Variants in SHISAL2A observed in about 807,000 individuals in gnomAD.
SHISAL2A encodes protein shisa-like-2A.
SHISAL2A carries 18 observed loss-of-function variants against 11.5 expected under a neutral mutation model. The observed-to-expected ratio is 1.57, with a 90% CI of 1.08 to 2.33. The LOEUF is 2.33. Among genes scored for constraint, SHISAL2A ranks in the 30% most tolerant of loss-of-function variants. The pLI is 0.00. For synonymous variants in SHISAL2A, 94 were observed against 99.6 expected (o/e 0.94, Z 0.34); for missense variants, 261 against 250.9 (o/e 1.04, Z -0.27).
rs369065271 is a variant in SHISAL2A at position 52,656,845 on chromosome 1, A to G, written c.378A>G (p.Glu126=). The G allele has an allele frequency of 2.5e-5, 41 of 1,613,992 alleles. No homozygotes were observed. The highest frequency in any genetic ancestry group is 3.3e-5 in the Non-Finnish European group (39 of 1,180,018). ...CQGVNTGMAA[E]VPKVSPLQQS... ...GTGTGAACACAGGCATGGCGGCAGAAGTGCCAAAAGTGAGCCCTCTCCAGC... is the reference window on the plus strand; with the variant it reads ...GTGTGAACACAGGCATGGCGGCAGAGGTGCCAAAAGTGAGCCCTCTCCAGC... Residue 126 remains glutamate (E), a synonymous_variant, in exon 3 of 3, where the codon GAA becomes GAG. Coordinates refer to ENST00000517870, the MANE Select transcript of SHISAL2A (RefSeq NM_001042693.3).
At chr1:52,646,257 G>A (rs1691498193) in intron 2 of SHISAL2A, among the ~76,000 whole-genome samples, 1 of 152,174 alleles carries the variant, frequency 6.6e-6, no homozygotes, top group Non-Finnish European at 1.5e-5. Flanking sequence ...AATAGTACCA[G>A]TTGAGAAACC....
chr1:52,651,296 G>A (rs1691640646), intron 2 of SHISAL2A, among the ~76,000 whole-genome samples: 1 of 152,102 alleles, frequency 6.6e-6, no homozygotes, highest in Non-Finnish European at 1.5e-5. Context: ...AGAGTGCAGT[G>A]GTGTGATCTC....
rs938256485 is a variant in SHISAL2A at position 52,633,933 on chromosome 1, C to A, written c.182+258C>A. ...CAAAACAATCCTCACTCTATCCCCACCCCAAACTTCATTCCATCACCACCC... is the reference window on the plus strand; with the variant it reads ...CAAAACAATCCTCACTCTATCCCCAACCCAAACTTCATTCCATCACCACCC... On this transcript the variant is annotated intron_variant, in intron 1 of 2. Transcript: ENST00000517870. This position sits in a 1 kb window ranked among gnomAD's most constrained non-coding sequence, Gnocchi z 6.4. 3.9e-5 allele frequency among the ~76,000 whole-genome samples: 6 copies of A among 152,022 alleles called. No individual in the cohort carries two copies. Among genetic ancestry groups the A allele is most frequent in the African/African-American group, 1.5e-4 (6 of 41,354 alleles).
intron 2 of SHISAL2A, among the ~76,000 whole-genome samples, chr1:52,656,115 TA>T (rs1054211240): frequency 2.1e-4 from 32 of 152,048 alleles, no homozygotes; most frequent in African/African-American, 7.7e-4. Context: ...TGCTCCTGAT[TA>T]AAAAAAGAAA....
Position 52,656,938 on chromosome 1 carries a change from C to G in SHISAL2A, c.471C>G (p.Leu157=), listed in dbSNP as rs1302753791. 1 of 1,614,188 alleles carries G rather than the reference C, an allele frequency of 6.2e-7. No homozygotes were observed. Among genetic ancestry groups the G allele is most frequent in the Admixed American group, 1.7e-5 (1 of 60,022 alleles). The change falls in exon 3 of 3, where the codon CTC becomes CTG. Residue 157 remains leucine, a synonymous_variant. Transcript: ENST00000517870. ...GGCAGGCTGTGAACTCCAAACGCCT[C>G]CTCCATCATTGCTTCATGGCCACAG... ...NEGQAVNSKR[L]LHHCFMATVT...
chr1:52,664,639 G>A (rs1317050256), intron 4 of SHISAL2A, among the ~76,000 whole-genome samples: 2 of 152,132 alleles, frequency 1.3e-5, no homozygotes, highest in South Asian at 2.1e-4. Context: ...GATTGCAGGC[G>A]TGAGCCACCG....
chr1:52,657,101 T>C, downstream of SHISAL2A: 1 of 1,520,916 alleles, frequency 6.6e-7, no homozygotes, highest in Non-Finnish European at 8.8e-7. Context: ...AAGGTGGGAG[T>C]GGGAAAGGAC....
intron 2 of SHISAL2A, among the ~76,000 whole-genome samples, chr1:52,645,683 A>G (rs1691485703): frequency 6.6e-6 from 1 of 152,234 alleles, no homozygotes; most frequent in Non-Finnish European, 1.5e-5. Context: ...TGCTGGGATT[A>G]CAGGTGTGAG....
At chr1:52,667,424 C>T (rs1325718528) in exon 5 of SHISAL2A, 4 of 983,524 alleles carry the variant, frequency 4.1e-6, no homozygotes, top group Non-Finnish European at 4.8e-6. Flanking sequence ...CTGGCAACAA[C>T]CACAATTGTA....
chr1:52,663,697 G>T (rs1025738190), intron 4 of SHISAL2A, among the ~76,000 whole-genome samples: 1 of 152,170 alleles, frequency 6.6e-6, no homozygotes, highest in African/African-American at 2.4e-5. Flanking sequence ...GGAGGTGGAG[G>T]TTGCAGTGAG....
chr1:52,634,612 T>A (rs539781020), intron 1 of SHISAL2A, among the ~76,000 whole-genome samples: 2 of 152,200 alleles, frequency 1.3e-5, no homozygotes, highest in Admixed American at 1.3e-4. Context: ...TAGGTCTCAA[T>A]CCCCCTGGGT....
intron 2 of SHISAL2A, among the ~76,000 whole-genome samples, chr1:52,656,322 T>G (rs1216801135): frequency 1.3e-5 from 2 of 152,120 alleles, no homozygotes; most frequent in Admixed American, 6.6e-5. Context: ...TAGAGAATAA[T>G]AAGGCCAAGT....
intron 2 of SHISAL2A, among the ~76,000 whole-genome samples, chr1:52,650,910 G>T (rs868158106): frequency 3.0e-4 from 45 of 150,442 alleles, no homozygotes; most frequent in Admixed American, 6.0e-4. Context: ...CTCCCAAAGT[G>T]CTGGAATTAC....
chr1:52,658,605 T>G (rs1462570341), downstream of SHISAL2A, among the ~76,000 whole-genome samples: 1 of 152,208 alleles, frequency 6.6e-6, no homozygotes, highest in Admixed American at 6.5e-5. Context: ...TGCAAGTACA[T>G]AGAAAAGTGT....
In SHISAL2A at chr1:52,633,600, TC is replaced by T; in HGVS notation, c.109del (p.Arg37AlafsTer30). 3.1e-6 allele frequency: 5 copies of T among 1,612,510 alleles called. No individual in the cohort carries two copies. The highest frequency in any genetic ancestry group is 4.2e-6 in the Non-Finnish European group (5 of 1,179,426). On this transcript the variant is annotated frameshift_variant, in exon 1 of 3. Transcript: ENST00000517870. LOFTEE classifies it high-confidence loss of function. The surrounding 1 kb of genome is among the most constrained non-coding windows in gnomAD (Gnocchi z 6.4). The stretch of plus-strand genomic sequence containing the variant: ...GCGGCCGCTGTCTTCTGCTGCGGCT[TC>T]CGCGACCACAAGTACTGCTGCGACG... ...GEAAAVFCCG[F>X]RDHKYCCDDP... is the part of the protein sequence containing the mutation.
At chr1:52,669,110 A>G (rs966756328) in exon 6 of SHISAL2A, 2 of 150,638 alleles carry the variant, frequency 1.3e-5, no homozygotes, top group Non-Finnish European at 1.5e-5. Flanking sequence ...TAAAACTGAC[A>G]CAAGCCCATG....
At chr1:52,651,029 G>A (rs1691632753) in intron 2 of SHISAL2A, among the ~76,000 whole-genome samples, 1 of 151,298 alleles carries the variant, frequency 6.6e-6, no homozygotes, top group Admixed American at 6.6e-5. Context: ...TGGAACCTCA[G>A]GTCACATTAA....
At chr1:52,658,947 G>A (rs943064501), downstream of SHISAL2A, among the ~76,000 whole-genome samples, 1 of 152,236 alleles carries the variant, frequency 6.6e-6, no homozygotes, top group African/African-American at 2.4e-5. Flanking sequence ...GCAAGACAGG[G>A]TGAGTCACCC....
chr1:52,637,451 G>C (rs1691261985), intron 1 of SHISAL2A, among the ~76,000 whole-genome samples: 1 of 152,214 alleles, frequency 6.6e-6, no homozygotes, highest in Admixed American at 6.5e-5. Flanking sequence ...TCCTGGGAGA[G>C]ACAGTGCTCA....
Sources: allele counts gnomAD v4.1 joint callset (sites outside exome capture counted in the v4.1 genomes callset), GRCh38; gene constraint gnomAD v4.1.1; non-coding constraint Gnocchi (gnomAD v3.1); transcripts MANE v1.5; gene names NCBI Gene and HGNC (gene_info 2026-07-23, HGNC 2026-07-21).